Variants in KLF8 observed in about 807,000 individuals in gnomAD.
KLF8 encodes the protein Krueppel-like factor 8.
KLF8 carries 10 observed loss-of-function variants against 18.2 expected under a neutral mutation model. That is an observed-to-expected ratio of 0.55 (90% CI 0.34 to 0.93). The LOEUF (loss-of-function observed/expected upper bound fraction) is 0.93, where lower values mean the gene tolerates loss of function less well. KLF8 is among the 40% of genes least tolerant of loss of function. KLF8 has a pLI of 0.02. For missense variants in KLF8, 264 were observed against 277.9 expected, an observed-to-expected ratio of 0.95 and a Z score of 0.36; for synonymous variants, 109 against 97.3, an observed-to-expected ratio of 1.12 and a Z score of -0.71.
chrX:56,132,863 A>T, the KLF8 span, among the ~76,000 whole-genome samples: 1 of 111,729 alleles, frequency 9.0e-6, no homozygotes, highest in African/African-American at 3.2e-5. Context: ...AATATGAAAG[A>T]TCATTCAAGG....
chrX:55,941,372 A>G, the KLF8 span, among the ~76,000 whole-genome samples: 1 of 112,215 alleles, frequency 8.9e-6, no homozygotes, highest in Admixed American at 9.5e-5. Flanking sequence ...AATTAATTCA[A>G]GTTGGATGAA....
the KLF8 span, among the ~76,000 whole-genome samples, chrX:56,110,477 G>A: frequency 8.9e-6 from 1 of 111,788 alleles, no homozygotes; most frequent in African/African-American, 3.3e-5. Context: ...CTACTAATCG[G>A]AAGGACTTCT....
the KLF8 span, among the ~76,000 whole-genome samples, chrX:56,019,597 A>C: frequency 8.9e-6 from 1 of 112,283 alleles, no homozygotes; most frequent in Non-Finnish European, 1.9e-5. Context: ...TTTTGGAATA[A>C]AGAGTCAAAA....
intron 2 of KLF8, among the ~76,000 whole-genome samples, chrX:56,257,058 A>C (rs1396617447): frequency 3.6e-5 from 4 of 111,934 alleles, no homozygotes; most frequent in Non-Finnish European, 7.5e-5. Context: ...ATTATTAAAC[A>C]TTAATAAATT....
the KLF8 span, among the ~76,000 whole-genome samples, chrX:55,972,246 A>G: frequency 9.0e-6 from 1 of 111,613 alleles, no homozygotes; most frequent in African/African-American, 3.2e-5. Context: ...AATGGATGGA[A>G]TTGGAGGTCA....
At chrX:56,223,787 C>T in the KLF8 span, among the ~76,000 whole-genome samples, 1 of 112,725 alleles carries the variant, frequency 8.9e-6, no homozygotes, top group Non-Finnish European at 1.9e-5. Context: ...AAAGCATTGT[C>T]TTGAGCAAGT....
the KLF8 span, among the ~76,000 whole-genome samples, chrX:56,045,699 C>A: frequency 8.9e-6 from 1 of 111,738 alleles, no homozygotes; most frequent in Admixed American, 9.5e-5. Context: ...TGATTTGATT[C>A]TCTGCTAGGT....
chrX:56,028,532 C>T, the KLF8 span, among the ~76,000 whole-genome samples: 2 of 111,595 alleles, frequency 1.8e-5, no homozygotes, highest in African/African-American at 6.5e-5. Flanking sequence ...CAAAGTAGGG[C>T]ATCCATCCCT....
At chrX:56,173,761 C>G in the KLF8 span, among the ~76,000 whole-genome samples, 1 of 111,424 alleles carries the variant, frequency 9.0e-6, no homozygotes, top group Admixed American at 9.6e-5. Flanking sequence ...TGTTTGTATC[C>G]TCTTTTATTT....
intron 2 of KLF8, among the ~76,000 whole-genome samples, chrX:56,260,405 C>T: frequency 8.9e-6 from 1 of 111,850 alleles, no homozygotes; most frequent in African/African-American, 3.2e-5. Context: ...CCAAAAACAA[C>T]CTTAGATTCT....
At chrX:55,926,662 A>G in the KLF8 span, among the ~76,000 whole-genome samples, 2 of 111,100 alleles carry the variant, frequency 1.8e-5, no homozygotes, top group African/African-American at 6.5e-5. Context: ...CCTTTAAAAA[A>G]TATCCTTAGC....
chrX:56,074,277 C>T, the KLF8 span, among the ~76,000 whole-genome samples: 1 of 111,610 alleles, frequency 9.0e-6, no homozygotes, highest in East Asian at 2.8e-4. Flanking sequence ...TGCACAGAAG[C>T]TTCTAATTTT....
chrX:56,213,762 C>T, the KLF8 span, among the ~76,000 whole-genome samples: 814 of 111,654 alleles, frequency 7.3e-3, 4 homozygotes, highest in Middle Eastern at 0.018. Flanking sequence ...ACAGTCAGCA[C>T]TCTTTTAGCT....
chrX:56,055,893 G>A, the KLF8 span, among the ~76,000 whole-genome samples: 1 of 111,528 alleles, frequency 9.0e-6, no homozygotes, highest in East Asian at 2.8e-4. Context: ...AATTTTTGTA[G>A]TGTGATTTTC....
chrX:56,199,116 G>A, the KLF8 span, among the ~76,000 whole-genome samples: 1 of 111,939 alleles, frequency 8.9e-6, no homozygotes, highest in Non-Finnish European at 1.9e-5. Flanking sequence ...TTAAATGTTA[G>A]ACCTAAAACC....
At chrX:56,189,388 G>T in the KLF8 span, among the ~76,000 whole-genome samples, 3,695 of 111,524 alleles carry the variant, frequency 0.033, 168 homozygotes, top group African/African-American at 0.11. Flanking sequence ...TGGAGAGGAT[G>T]TGGAGAAATA....
At chrX:56,094,902 A>G in the KLF8 span, among the ~76,000 whole-genome samples, 1 of 111,513 alleles carries the variant, frequency 9.0e-6, no homozygotes, top group African/African-American at 3.2e-5. Flanking sequence ...CATTGGATGA[A>G]CCAATGTCAT....
chrX:56,056,799 AT>A, the KLF8 span, among the ~76,000 whole-genome samples: 33 of 101,403 alleles, frequency 3.3e-4, no homozygotes, highest in Middle Eastern at 4.9e-3. Flanking sequence ...TAAAGTATAT[AT>A]AAAAAAAAAA....
chrX:55,932,583 C>A, the KLF8 span, among the ~76,000 whole-genome samples: 1 of 111,743 alleles, frequency 8.9e-6, no homozygotes, highest in African/African-American at 3.3e-5. Flanking sequence ...AATCTCTCAG[C>A]ATTTGCTTGT....
Sources: allele counts gnomAD v4.1 joint callset (sites outside exome capture counted in the v4.1 genomes callset), GRCh38; gene constraint gnomAD v4.1.1; transcripts MANE v1.5; gene names NCBI Gene and HGNC (gene_info 2026-07-23, HGNC 2026-07-21).